The following JADE3 variants were observed in gnomAD, a reference collection of about 807,000 sequenced individuals.
The protein encoded by JADE3 is protein Jade-3.
In JADE3, 2 loss-of-function variants were observed where a neutral mutation model predicts 50.1. That is an observed-to-expected ratio of 0.04 (90% CI 0.02 to 0.13). JADE3 has a LOEUF of 0.13. JADE3 is among the 10% of genes least tolerant of loss of function. The probability of loss-of-function intolerance (pLI) is 1.00; values close to 1 mark genes in which losing one functional copy is unlikely to be tolerated. For missense variants in JADE3, 475 were observed against 634.4 expected, an observed-to-expected ratio of 0.75 and a Z score of 2.70; for synonymous variants, 218 against 232.9, an observed-to-expected ratio of 0.94 and a Z score of 0.58.
chrX:46,953,848 TCTTG>T (rs1927060365), intron 1 of JADE3, among the ~76,000 whole-genome samples: 1 of 111,846 alleles, frequency 8.9e-6, no homozygotes, highest in Non-Finnish European at 1.9e-5. Context: ...TGTCGTAGTC[TCTTG>T]CTTCTGTCCT....
chrX:46,984,824 G>A, intron 1 of JADE3, 60 bp from the exon 2 acceptor site: 1 of 872,039 alleles, frequency 1.1e-6, no homozygotes, highest in Non-Finnish European at 1.7e-6. Flanking sequence ...GGACAGTGTT[G>A]ACTGCCCTCT....
At chrX:46,983,259 C>G (rs1927794270) in intron 1 of JADE3, among the ~76,000 whole-genome samples, 1 of 111,639 alleles carries the variant, frequency 9.0e-6, no homozygotes, top group South Asian at 3.7e-4. Context: ...GCCTCTCTCC[C>G]TGGGAAAAAT....
intron 1 of JADE3, among the ~76,000 whole-genome samples, chrX:46,975,163 G>T (rs1927585839): frequency 8.9e-6 from 1 of 112,476 alleles, no homozygotes; most frequent in Non-Finnish European, 1.9e-5. Context: ...CTGTTTAATT[G>T]ATTATATTGC....
At chrX:47,033,373 G>C (rs73484303) in intron 6 of JADE3, among the ~76,000 whole-genome samples, 4 of 112,023 alleles carry the variant, frequency 3.6e-5, no homozygotes, top group Non-Finnish European at 7.5e-5. Context: ...ACGGTTGGCT[G>C]TATCTCCTCG....
intron 1 of JADE3, among the ~76,000 whole-genome samples, chrX:46,951,535 G>A (rs1262410966): frequency 1.0e-5 from 1 of 98,460 alleles, no homozygotes. Context: ...TGCGGTGAGC[G>A]GAGATTGCAC....
intron 3 of JADE3, among the ~76,000 whole-genome samples, chrX:46,995,598 G>A (rs1015669188): frequency 1.8e-5 from 2 of 111,474 alleles, no homozygotes; most frequent in Non-Finnish European, 3.8e-5. Flanking sequence ...CTCACTAATC[G>A]GGATTTGCTA....
chrX:47,005,359 G>A (rs1928390683), intron 4 of JADE3, among the ~76,000 whole-genome samples: 1 of 111,219 alleles, frequency 9.0e-6, no homozygotes, highest in Admixed American at 9.6e-5. Context: ...TCCTGCCTCA[G>A]CCTCCCAAGT....
chrX:46,987,269 G>A (rs782317293), intron 3 of JADE3, among the ~76,000 whole-genome samples: 26 of 112,445 alleles, frequency 2.3e-4, no homozygotes, highest in Non-Finnish European at 5.6e-5. Flanking sequence ...ACATGGTAGC[G>A]TACTTATTCA....
intron 3 of JADE3, among the ~76,000 whole-genome samples, chrX:46,992,482 A>G (rs983427329): frequency 2.8e-5 from 3 of 106,124 alleles, no homozygotes; most frequent in Non-Finnish European, 3.8e-5. Flanking sequence ...GGCTTCTGCC[A>G]CAGGTAACCA....
At chrX:46,973,689 G>A (rs1420397766) in intron 1 of JADE3, among the ~76,000 whole-genome samples, 1 of 112,218 alleles carries the variant, frequency 8.9e-6, no homozygotes, top group Non-Finnish European at 1.9e-5. Context: ...TAAAGCACAG[G>A]CACTTAAACT....
intron 1 of JADE3, among the ~76,000 whole-genome samples, chrX:46,961,323 G>T (rs782535535): frequency 9.0e-6 from 1 of 111,506 alleles, no homozygotes; most frequent in Admixed American, 9.5e-5. Flanking sequence ...GTCTACAACG[G>T]AACGCTCTGA....
chrX:46,943,831 C>T (rs1926822769), intron 1 of JADE3, among the ~76,000 whole-genome samples: 1 of 111,636 alleles, frequency 9.0e-6, no homozygotes, highest in Non-Finnish European at 1.9e-5. Context: ...GCTGTGAATA[C>T]ATCTGTTCCA....
intron 1 of JADE3, among the ~76,000 whole-genome samples, chrX:46,933,221 C>T (rs1257428459): frequency 9.0e-6 from 1 of 111,725 alleles, no homozygotes; most frequent in East Asian, 2.8e-4. Context: ...CAAAAACTAG[C>T]TCCACTGGTT....
chrX:47,034,857 A>G (rs1443809947), intron 7 of JADE3, among the ~76,000 whole-genome samples: 1 of 104,549 alleles, frequency 9.6e-6, no homozygotes, highest in Non-Finnish European at 1.9e-5. Flanking sequence ...CACGTGATCC[A>G]CCTGTCTAGG....
intron 3 of JADE3, among the ~76,000 whole-genome samples, chrX:46,987,607 A>T (rs1556354917): frequency 8.9e-6 from 1 of 112,267 alleles, no homozygotes; most frequent in Non-Finnish European, 1.9e-5. Flanking sequence ...TTATTTATAT[A>T]TGTCCATGTC....
At chrX:47,044,306 A>G (rs1190568335) in intron 8 of JADE3, among the ~76,000 whole-genome samples, 2 of 111,904 alleles carry the variant, frequency 1.8e-5, no homozygotes, top group African/African-American at 6.5e-5. Context: ...AATAACATAC[A>G]ATGGAGCTCC....
intron 4 of JADE3, among the ~76,000 whole-genome samples, chrX:47,016,263 C>T (rs1397431805): frequency 4.5e-5 from 5 of 111,690 alleles, no homozygotes; most frequent in African/African-American, 1.6e-4. Context: ...TGGTGAACAC[C>T]TCGCACTTCT....
chrX:46,965,398 G>T (rs1217444513), intron 1 of JADE3, among the ~76,000 whole-genome samples: 1 of 111,330 alleles, frequency 9.0e-6, no homozygotes, highest in Admixed American at 9.5e-5. Flanking sequence ...GATAAAGGAA[G>T]AATAACATCC....
intron 1 of JADE3, among the ~76,000 whole-genome samples, chrX:46,919,789 C>T (rs1926182354): frequency 9.0e-6 from 1 of 111,300 alleles, no homozygotes; most frequent in Admixed American, 9.6e-5. Context: ...AGAATGTTAG[C>T]TTTTCTTCTT....
Sources: allele counts gnomAD v4.1 joint callset (sites outside exome capture counted in the v4.1 genomes callset), GRCh38; gene constraint gnomAD v4.1.1; transcripts MANE v1.5; gene names NCBI Gene and HGNC (gene_info 2026-07-23, HGNC 2026-07-21).